Variants in PHC3 observed in about 807,000 individuals in gnomAD.
The protein encoded by PHC3 is polyhomeotic-like protein 3.
A neutral mutation model predicts 107.4 loss-of-function variants in PHC3; 13 were observed. The observed-to-expected ratio is 0.12, with a 90% CI of 0.08 to 0.19. The LOEUF (loss-of-function observed/expected upper bound fraction) is 0.19, where lower values mean the gene tolerates loss of function less well. PHC3 is among the 10% of genes least tolerant of loss of function. PHC3 has a pLI of 1.00. For synonymous variants in PHC3, 456 were observed against 427.4 expected (o/e 1.07, Z -0.83); for missense variants, 992 against 1,210.9 (o/e 0.82, Z 2.68).
Position 170,096,366 on chromosome 3 carries a change from T to C in PHC3, c.*864A>G, listed in dbSNP as rs1481296369. On this transcript the variant is annotated 3_prime_UTR_variant, in exon 15 of 15. Coordinates refer to ENST00000495893, the MANE Select transcript of PHC3 (RefSeq NM_024947.4). Reference sequence around the variant, plus strand: ...TATCAGAGTTTCTCAACCTTGGCAGTACCGATATTTTTGAACCAATAATTC... The same window carrying C: ...TATCAGAGTTTCTCAACCTTGGCAGCACCGATATTTTTGAACCAATAATTC... The C allele has an allele frequency of 6.6e-6, 1 of 152,140 alleles. No homozygotes were observed. Among genetic ancestry groups the C allele is most frequent in the African/African-American group, 2.4e-5 (1 of 41,434 alleles). 9.4% of individuals were successfully genotyped at this position (152,140 alleles called of 1,614,324 possible). A position where few individuals can be genotyped will look rare whatever the true frequency, so the allele number is the denominator to read the frequency against.
At chr3:170,109,846 T>C (rs1260847977) in intron 11 of PHC3, among the ~76,000 whole-genome samples, 1 of 152,156 alleles carries the variant, frequency 6.6e-6, no homozygotes, top group Non-Finnish European at 1.5e-5. Flanking sequence ...AAACTATATA[T>C]ACTACTAAAA....
intron 4 of PHC3, among the ~76,000 whole-genome samples, chr3:170,156,599 T>C (rs1322469945): frequency 1.3e-5 from 2 of 150,690 alleles, no homozygotes; most frequent in Non-Finnish European, 3.0e-5. Flanking sequence ...TTTAAGAGAC[T>C]ACATGGTTTT....
At chr3:170,155,901 C>T (rs1348173624) in intron 4 of PHC3, among the ~76,000 whole-genome samples, 4 of 151,894 alleles carry the variant, frequency 2.6e-5, no homozygotes, top group Admixed American at 6.6e-5. Context: ...GAGTAAAATC[C>T]GGGATTACTT....
chr3:170,130,627 A>G (rs1240500298), intron 7 of PHC3, among the ~76,000 whole-genome samples: 2 of 150,864 alleles, frequency 1.3e-5, no homozygotes, highest in African/African-American at 2.4e-5. Flanking sequence ...TTCCCTCACC[A>G]AAAAAAAACT....
Position 170,136,590 on chromosome 3 carries a change from T to G in PHC3, c.748A>C (p.Ser250Arg). 1 of 1,613,896 alleles carries G rather than the reference T, an allele frequency of 6.2e-7. No homozygotes were observed. Among genetic ancestry groups the G allele is most frequent in the Non-Finnish European group, 8.5e-7 (1 of 1,179,842 alleles). Residue 250 changes from serine to arginine, a missense_variant, in exon 7 of 15, where the codon AGT (serine) becomes CGT (arginine). By Grantham distance (110) the Ser-to-Arg change is moderately radical. Coordinates refer to ENST00000495893, the MANE Select transcript of PHC3 (RefSeq NM_024947.4). ...CAAATTGTCAATGACTGAGTTTGACTAGTGCTTTTTGGTGGACCATTCTGT... is the reference window on the plus strand; with the variant it reads ...CAAATTGTCAATGACTGAGTTTGACGAGTGCTTTTTGGTGGACCATTCTGT... ...SSQNGPPKSTSQTQSLTICHN... is the reference protein window; with the variant it reads ...SSQNGPPKSTRQTQSLTICHN...
At chr3:170,128,533 C>T in intron 8 of PHC3, 151 bp downstream of exon 8, 1 of 1,166,350 alleles carries the variant, frequency 8.6e-7, no homozygotes, top group Non-Finnish European at 1.2e-6. Flanking sequence ...TTTTTTTGCC[C>T]ATACAGCATG....
chr3:170,123,356 T>TACACACACAAACACAC (rs1553787166), intron 8 of PHC3, among the ~76,000 whole-genome samples: 1 of 149,822 alleles, frequency 6.7e-6, no homozygotes, highest in African/African-American at 2.5e-5. Context: ...TTGAAATGCA[T>TACACACACAAACACAC]ACACACACAC....
In PHC3 at chr3:170,102,522, T is replaced by C; in HGVS notation, c.2790A>G (p.Ile930Met). The C allele has an allele frequency of 1.2e-6, 2 of 1,613,834 alleles. No homozygotes were observed. The highest frequency in any genetic ancestry group is 1.7e-6 in the Non-Finnish European group (2 of 1,179,820). Residue 930 changes from isoleucine (I) to methionine (M), a missense_variant, in exon 14 of 15, where the codon ATA (isoleucine) becomes ATG (methionine). Physicochemically the swap from Ile to Met is conservative, Grantham distance 10. Around this residue, in one of 6 missense-constraint regions of PHC3, gnomAD observed 228 missense variants for 288.8 expected, o/e 0.79. Coordinates refer to ENST00000495893, the MANE Select transcript of PHC3 (RefSeq NM_024947.4). ...AGGCCCAGACATCATCAACTGTCCA[T>C]ATAGATGGCTCTGTTTGTGCAACTG... ...LLPVAQTEPS[I>M]WTVDDVWAFI...
intron 4 of PHC3, among the ~76,000 whole-genome samples, chr3:170,156,206 C>T (rs1302570289): frequency 2.6e-5 from 4 of 152,098 alleles, no homozygotes; most frequent in Non-Finnish European, 5.9e-5. Context: ...CCATCTTGGC[C>T]TCCCAAAGTG....
intron 12 of PHC3, among the ~76,000 whole-genome samples, chr3:170,106,083 G>C (rs1716451479): frequency 6.6e-6 from 1 of 152,012 alleles, no homozygotes; most frequent in Non-Finnish European, 1.5e-5. Context: ...ATGGTGGCAG[G>C]TGCCTGTAAT....
rs965622864 is a variant in PHC3 at position 170,131,836 on chromosome 3, C to CA, written c.920-2285dup. Reference sequence around the variant, plus strand: ...TGGGCAACAGAGGGAGACGCCATCTCAAAAAAAAAGAATAACAAATCTTTC... The same window carrying CA: ...TGGGCAACAGAGGGAGACGCCATCTCAAAAAAAAAAGAATAACAAATCTTTC... On this transcript the variant is annotated intron_variant, in intron 7 of 14. Transcript: ENST00000495893. Among the ~76,000 whole-genome samples, 24 of 149,930 alleles carry CA rather than the reference C, an allele frequency of 1.6e-4. 1 individual carries two copies. Among genetic ancestry groups the CA allele is most frequent in the African/African-American group, 2.9e-4 (12 of 40,848 alleles).
At chr3:170,148,370 C>T (rs539237207) in intron 5 of PHC3, 1 of 152,112 alleles carries the variant, frequency 6.6e-6, no homozygotes, top group Admixed American at 6.6e-5. Context: ...ATATTAGGGA[C>T]AATGCTTTTG....
rs1056571410 is a variant in PHC3 at position 170,096,274 on chromosome 3, A to G, written c.*956T>C. On this transcript the variant is annotated 3_prime_UTR_variant, in exon 15 of 15. Coordinates refer to ENST00000495893, the MANE Select transcript of PHC3 (RefSeq NM_024947.4). ...TATCTGAATAATACTTCCATCATATATGTTTAGTAAGCTTCATCCTTTAAA... is the reference window on the plus strand; with the variant it reads ...TATCTGAATAATACTTCCATCATATGTGTTTAGTAAGCTTCATCCTTTAAA... 2 of 152,128 alleles carry G rather than the reference A, an allele frequency of 1.3e-5. No individual in the cohort carries two copies. Among genetic ancestry groups the G allele is most frequent in the Admixed American group, 6.6e-5 (1 of 15,258 alleles). 9.4% of individuals were successfully genotyped at this position (152,128 alleles called of 1,614,324 possible).
intron 6 of PHC3, among the ~76,000 whole-genome samples, chr3:170,144,295 G>A (rs1194625137): frequency 5.3e-5 from 8 of 151,450 alleles, no homozygotes; most frequent in Admixed American, 4.0e-4. Context: ...GAGCGGAGAC[G>A]GTGCCACTGT....
chr3:170,181,598 C>T, intron 1 of PHC3, 104 bp downstream of exon 1: 1 of 1,555,584 alleles, frequency 6.4e-7, no homozygotes, highest in South Asian at 1.1e-5. Flanking sequence ...CTCTCTTTCC[C>T]CACACTGCCC....
chr3:170,140,584 CTTTTTTTTTTTTT>C lies in PHC3; in HGVS notation c.673-3932_673-3920del, dbSNP rs57137783. Among the ~76,000 whole-genome samples, 58 of 69,618 alleles carry C rather than the reference CTTTTTTTTTTTTT, an allele frequency of 8.3e-4. 3 individuals carry two copies. The East Asian group carries it at 0.022, about 26-fold the overall frequency. 45.7% of individuals were successfully genotyped at this position (69,618 alleles called of 152,430 possible). A position where few individuals can be genotyped will look rare whatever the true frequency, so the allele number is the denominator to read the frequency against. On this transcript the variant is annotated intron_variant, in intron 6 of 14. Transcript: ENST00000495893. ...TCAGAGTTCTTACTCATTTCTTTTT[CTTTTTTTTTTTTT>C]TTTTTTTTTTTTTTGAGACAGAGGC...
intron 11 of PHC3, among the ~76,000 whole-genome samples, chr3:170,111,593 G>A (rs1459044922): frequency 6.6e-6 from 1 of 152,184 alleles, no homozygotes. Context: ...TTTATTATAC[G>A]ATTCTAATGA....
At chr3:170,109,835 G>C (rs1717279274) in intron 11 of PHC3, among the ~76,000 whole-genome samples, 3 of 151,936 alleles carry the variant, frequency 2.0e-5, no homozygotes, top group Admixed American at 2.0e-4. Context: ...TTTTTATGTT[G>C]AAACTATATA....
intron 7 of PHC3, among the ~76,000 whole-genome samples, chr3:170,133,799 A>G (rs1722629564): frequency 6.6e-6 from 1 of 152,198 alleles, no homozygotes; most frequent in African/African-American, 2.4e-5. Flanking sequence ...TTAATGAAAG[A>G]GGGGAGAATA....
Sources: gnomAD v4.1 joint callset for allele counts (sites outside exome capture counted in the v4.1 genomes callset) on GRCh38, gnomAD v4.1.1 for gene constraint, gnomAD v4.1.1 regional missense constraint, MANE v1.5 for transcripts, NCBI Gene and HGNC (gene_info 2026-07-23, HGNC 2026-07-21) for gene names.